The following FAM184B variants were observed in gnomAD, a reference collection of about 807,000 sequenced individuals.
FAM184B encodes family with sequence similarity 184 member B.
Under a neutral mutation model 135.9 loss-of-function variants are expected in FAM184B, and 111 were observed. The observed-to-expected ratio is 0.82, with a 90% CI of 0.70 to 0.96. FAM184B has a LOEUF of 0.96. Ranked by LOEUF, FAM184B falls within the 40% of genes least tolerant of loss-of-function variation. The pLI is 0.00. For missense variants in FAM184B, 1,375 were observed against 1,323.9 expected, an observed-to-expected ratio of 1.04 and a Z score of -0.60; for synonymous variants, 552 against 524.8, an observed-to-expected ratio of 1.05 and a Z score of -0.71.
intron 1 of FAM184B, among the ~76,000 whole-genome samples, chr4:17,731,114 A>T (rs1244506867): frequency 2.6e-5 from 4 of 152,230 alleles, no homozygotes; most frequent in Non-Finnish European, 5.9e-5. Flanking sequence ...TACTTTACAG[A>T]CAACCAAATG....
intron 1 of FAM184B, among the ~76,000 whole-genome samples, chr4:17,760,461 C>T (rs1361551247): frequency 6.7e-6 from 1 of 148,446 alleles, no homozygotes; most frequent in Non-Finnish European, 1.5e-5. Context: ...CAGAGCAAGA[C>T]TCCATCTCAA....
intron 1 of FAM184B, among the ~76,000 whole-genome samples, chr4:17,760,836 T>C (rs909813009): frequency 2.6e-5 from 4 of 152,280 alleles, no homozygotes; most frequent in Non-Finnish European, 5.9e-5. Context: ...GAAATGCCCT[T>C]TCTCCAAGGC....
At chr4:17,739,555 G>GTTTCTTTTTTTTTTTTTTT (rs1717980102) in intron 1 of FAM184B, among the ~76,000 whole-genome samples, 1 of 62,510 alleles carries the variant, frequency 1.6e-5, no homozygotes, top group Non-Finnish European at 2.7e-5. Flanking sequence ...CATACCAACT[G>GTTTCTTTTTTTTTTTTTTT]TTTTTTTTTT....
At chr4:17,734,640 C>A (rs1247203070) in intron 1 of FAM184B, among the ~76,000 whole-genome samples, 1 of 151,304 alleles carries the variant, frequency 6.6e-6, no homozygotes, top group Non-Finnish European at 1.5e-5. Flanking sequence ...GATACCATCT[C>A]ACACCAGTTA....
intron 7 of FAM184B, among the ~76,000 whole-genome samples, chr4:17,666,695 C>G (rs1716057591): frequency 6.6e-6 from 1 of 151,720 alleles, no homozygotes; most frequent in Non-Finnish European, 1.5e-5. Context: ...CCTCACCTTG[C>G]TCTATGTTTT....
At chr4:17,729,195 G>T (rs1380497216) in intron 1 of FAM184B, among the ~76,000 whole-genome samples, 16 of 152,336 alleles carry the variant, frequency 1.1e-4, no homozygotes, top group Middle Eastern at 6.8e-3. Context: ...CAGCAATGCT[G>T]GGGGAGGGGC....
At chr4:17,641,643 C>CTTTTTTTTTA (rs1715318671) in intron 13 of FAM184B, among the ~76,000 whole-genome samples, 1 of 24,376 alleles carries the variant, frequency 4.1e-5, no homozygotes, top group African/African-American at 1.6e-4. Context: ...CACGCCCGGC[C>CTTTTTTTTTA]TTTTTTTTTT....
In FAM184B at chr4:17,759,910, C is replaced by T. The variant is rs186743488; in HGVS notation, c.141+21249G>A. 3.9e-3 allele frequency among the ~76,000 whole-genome samples: 601 copies of T among 152,236 alleles called. 5 individuals carry two copies. Among genetic ancestry groups the T allele is most frequent in the Non-Finnish European group, 7.0e-3 (473 of 68,014 alleles). On this transcript the variant is annotated intron_variant, in intron 1 of 17. Coordinates refer to ENST00000265018, the MANE Select transcript of FAM184B (RefSeq NM_015688.2). ...CCATATCTACAGGCCAAGGTGGGTACCGGTTTCAATAGTCATCAGATGAGG... is the reference window on the plus strand; with the variant it reads ...CCATATCTACAGGCCAAGGTGGGTATCGGTTTCAATAGTCATCAGATGAGG...
At chr4:17,730,624 G>A (rs541711684) in intron 1 of FAM184B, among the ~76,000 whole-genome samples, 21 of 152,190 alleles carry the variant, frequency 1.4e-4, no homozygotes, top group African/African-American at 4.3e-4. Context: ...CATTCTTAAA[G>A]AAAAGATGGG....
At chr4:17,676,765 G>C (rs1444044260) in intron 7 of FAM184B, among the ~76,000 whole-genome samples, 2 of 151,768 alleles carry the variant, frequency 1.3e-5, no homozygotes, top group African/African-American at 4.8e-5. Context: ...GCTACTTTAG[G>C]ATACATAAAT....
At chr4:17,685,569 A>T (rs950822079) in intron 7 of FAM184B, among the ~76,000 whole-genome samples, 8 of 151,360 alleles carry the variant, frequency 5.3e-5, no homozygotes, top group African/African-American at 1.9e-4. Context: ...AAAAAAAAAA[A>T]AAAAAAAAAA....
chr4:17,744,514 ACC>A (rs1446667317), intron 1 of FAM184B, among the ~76,000 whole-genome samples: 2 of 146,676 alleles, frequency 1.4e-5, no homozygotes, highest in Admixed American at 6.8e-5. Flanking sequence ...ACACACACAC[ACC>A]TTTCTCCATT....
intron 1 of FAM184B, among the ~76,000 whole-genome samples, chr4:17,737,996 C>G (rs566555206): frequency 2.5e-4 from 38 of 152,112 alleles, no homozygotes; most frequent in Non-Finnish European, 4.4e-4. Flanking sequence ...AGACTGTCAG[C>G]TATTTTATTT....
chr4:17,636,625 T>C lies in FAM184B; in HGVS notation c.2687A>G (p.Lys896Arg), dbSNP rs1376619345. The change falls in exon 15 of 18, where the codon AAG (lysine) becomes AGG (arginine). Residue 896 changes from lysine to arginine, a missense_variant. Transcript: ENST00000265018. Reference sequence around the variant, plus strand: ...GGGCCTGGACGCTCCCTTCCCTGGCTTCTCTCCGGAATCTTTCAGTCTGTT... The same window carrying C: ...GGGCCTGGACGCTCCCTTCCCTGGCCTCTCTCCGGAATCTTTCAGTCTGTT... ...LEAELKDSGEKPGKGASRPED... is the reference protein window; with the variant it reads ...LEAELKDSGERPGKGASRPED... 2 of 1,550,160 alleles carry C rather than the reference T, an allele frequency of 1.3e-6. No individual in the cohort carries two copies. Among genetic ancestry groups the C allele is most frequent in the East Asian group, 2.4e-5 (1 of 40,892 alleles).
intron 1 of FAM184B, among the ~76,000 whole-genome samples, chr4:17,766,423 G>C (rs577854647): frequency 6.6e-6 from 1 of 152,130 alleles, no homozygotes; most frequent in Non-Finnish European, 1.5e-5. Context: ...TAGACATAAA[G>C]GTTCTCCAAG....
intron 7 of FAM184B, among the ~76,000 whole-genome samples, chr4:17,673,488 C>T (rs919920004): frequency 2.0e-5 from 3 of 152,078 alleles, no homozygotes; most frequent in African/African-American, 4.8e-5. Context: ...CAGCACAGTT[C>T]GCAATCACAA....
intron 7 of FAM184B, among the ~76,000 whole-genome samples, chr4:17,685,405 C>T (rs7690958): frequency 0.24 from 36,797 of 150,678 alleles, 5,245 homozygotes; most frequent in East Asian, 0.61. Context: ...AAAAATTAGT[C>T]GGGCGTGGTG....
At chr4:17,648,861 G>C (rs934150666) in intron 11 of FAM184B, among the ~76,000 whole-genome samples, 1 of 152,116 alleles carries the variant, frequency 6.6e-6, no homozygotes, top group Non-Finnish European at 1.5e-5. Context: ...CCCCTCTGAG[G>C]ATGGAGACTG....
At chr4:17,734,380 C>G (rs1321796634) in intron 1 of FAM184B, among the ~76,000 whole-genome samples, 1 of 152,050 alleles carries the variant, frequency 6.6e-6, no homozygotes, top group African/African-American at 2.4e-5. Context: ...AAACTACCAT[C>G]AGAGTGAACA....
Sources: allele counts gnomAD v4.1 joint callset (sites outside exome capture counted in the v4.1 genomes callset), GRCh38; gene constraint gnomAD v4.1.1; transcripts MANE v1.5; gene names NCBI Gene and HGNC (gene_info 2026-07-23, HGNC 2026-07-21).